The following CARMIL3 variants were observed in gnomAD, a reference collection of about 807,000 sequenced individuals.
CARMIL3 encodes the protein capping protein regulator and myosin 1 linker 3.
A neutral mutation model predicts 180.8 loss-of-function variants in CARMIL3; 88 were observed. That is an observed-to-expected ratio of 0.49 (90% CI 0.41 to 0.58). The LOEUF (loss-of-function observed/expected upper bound fraction) is 0.58, where lower values mean the gene tolerates loss of function less well. CARMIL3 is among the 20% of genes least tolerant of loss of function. The probability of loss-of-function intolerance (pLI) is 0.00; values close to 1 mark genes in which losing one functional copy is unlikely to be tolerated. For missense variants in CARMIL3, 1,548 were observed against 1,787.0 expected (o/e 0.87, Z 2.41); for synonymous variants, 696 against 714.5 (o/e 0.97, Z 0.41).
rs754178692 is a variant in CARMIL3, at chr14:24,065,741, G to A, written c.3516G>A (p.Gly1172=). The change falls in exon 34 of 40, where the codon GGG becomes GGA. Residue 1172 remains glycine, a synonymous_variant. Transcript: ENST00000342740. The part of the protein sequence containing the change: ...LERAKGWSFD[G]KREGPGPDQE... ...GAGCCAAGGGTTGGAGCTTCGATGGGAAACGAGAGGTGAGTGGAGCCTGGG... is the reference window on the plus strand; with the variant it reads ...GAGCCAAGGGTTGGAGCTTCGATGGAAAACGAGAGGTGAGTGGAGCCTGGG... 5.0e-6 allele frequency: 8 copies of A among 1,614,050 alleles called. No homozygotes were observed. The highest frequency in any genetic ancestry group is 3.3e-5 in the Admixed American group (2 of 60,020).
chr14:24,052,897 C>T (rs752383055), intron 1 of CARMIL3, among the ~76,000 whole-genome samples: 1 of 152,222 alleles, frequency 6.6e-6, no homozygotes, highest in Non-Finnish European at 1.5e-5. Context: ...CCCTGACCCC[C>T]AGAGACGGGA....
chr14:24,060,356 G>A (rs1490376280), intron 24 of CARMIL3, 101 bp downstream of exon 24: 2 of 1,296,146 alleles, frequency 1.5e-6, no homozygotes, highest in African/African-American at 1.5e-5. Flanking sequence ...GGCACTGCAT[G>A]GTGCCTATCA....
intron 24 of CARMIL3, 26 bp downstream of exon 24, chr14:24,060,281 G>T (rs753789341): frequency 6.2e-7 from 1 of 1,610,068 alleles, no homozygotes; most frequent in South Asian, 1.1e-5. Context: ...TGGGACACGG[G>T]GCATACCCGG....
At position 24,060,143 on chromosome 14, in the gene CARMIL3, C is replaced by T. The variant is rs1277485611; in HGVS notation, c.1963-14C>T. 6.2e-7 allele frequency: 1 copy of T among 1,614,066 alleles called. No homozygotes were observed. The highest frequency in any genetic ancestry group is 1.3e-5 in the African/African-American group (1 of 75,080). The stretch of plus-strand genomic sequence containing the variant: ...CATCCCCAGGCCCTGACCCACCAAC[C>T]CCATCATCTCCAGATCCAATGGTGC... On this transcript the variant is annotated splice_polypyrimidine_tract_variant and intron_variant, in intron 23 of 39. Coordinates refer to ENST00000342740, the MANE Select transcript of CARMIL3 (RefSeq NM_138360.4).
chr14:24,068,778 T>C lies in CARMIL3; in HGVS notation c.3802-8T>C. On this transcript the variant is annotated splice_region_variant and splice_polypyrimidine_tract_variant and intron_variant, in intron 37 of 39. Coordinates refer to ENST00000342740, the MANE Select transcript of CARMIL3 (RefSeq NM_138360.4). ...CTAACTGACCCAGCATCTTCCTTCC[T>C]CTGCCAGCTACAGGACCCCGCTCTA... The C allele has an allele frequency of 3.7e-6, 6 of 1,614,056 alleles. No homozygotes were observed. Among genetic ancestry groups the C allele is most frequent in the Non-Finnish European group, 5.1e-6 (6 of 1,180,026 alleles).
Position 24,057,815 on chromosome 14 carries a change from C to T in CARMIL3, c.1153C>T (p.Leu385=). The T allele has an allele frequency of 6.2e-7, 1 of 1,610,314 alleles. No individual in the cohort carries two copies. The highest frequency in any genetic ancestry group is 8.5e-7 in the Non-Finnish European group (1 of 1,179,698). ...TCTCCCCCCACAGCTTCTCGGTGCC[C>T]TGCTCCACGGCTGCTGCTCCCACCT... The part of the protein sequence containing the change: ...DCVIDLLLGA[L]LHGCCSHLTY... Residue 385 remains leucine, a synonymous_variant, in exon 15 of 40, where the codon CTG becomes TTG. Transcript: ENST00000342740.
In CARMIL3 at chr14:24,063,305, T is replaced by C; in HGVS notation, c.2771-20T>C. On this transcript the variant is annotated intron_variant, in intron 30 of 39. Transcript: ENST00000342740. ...CTCCCCATTCCTCTGCTAGTCCCTC[T>C]AATGCTGCTGTCTTTGCAGGCGGGA... 1 of 1,595,066 alleles carries C rather than the reference T, an allele frequency of 6.3e-7. No homozygotes were observed. Among genetic ancestry groups the C allele is most frequent in the Non-Finnish European group, 8.6e-7 (1 of 1,166,854 alleles).
Position 24,057,880 on chromosome 14 carries a change from G to C in CARMIL3, c.1217+1G>C. Reference sequence around the variant, plus strand: ...TGGCTCGCAACAGCTGCTCCCACAGGTGGGAGAGGAGGGGGAAGGGAGGAC... The same window carrying C: ...TGGCTCGCAACAGCTGCTCCCACAGCTGGGAGAGGAGGGGGAAGGGAGGAC... On this transcript the variant is annotated splice_donor_variant, in intron 15 of 39. Coordinates refer to ENST00000342740, the MANE Select transcript of CARMIL3 (RefSeq NM_138360.4). LOFTEE classifies it high-confidence loss of function. The C allele has an allele frequency of 6.2e-7, 1 of 1,613,062 alleles. No homozygotes were observed. The highest frequency in any genetic ancestry group is 8.5e-7 in the Non-Finnish European group (1 of 1,179,952).
chr14:24,056,288 C>T lies in CARMIL3; in HGVS notation c.771-11C>T, dbSNP rs774145517. On this transcript the variant is annotated splice_polypyrimidine_tract_variant and intron_variant, in intron 10 of 39. Transcript: ENST00000342740. ...CAGCTCAGGACAAATCCTTCCTCCC[C>T]TTCCCTGAAGGGACTTTGTCCAGAA... 86 of 1,611,460 alleles carry T rather than the reference C, an allele frequency of 5.3e-5. No individual in the cohort carries two copies. Among genetic ancestry groups the T allele is most frequent in the Non-Finnish European group, 6.8e-5 (80 of 1,178,142 alleles).
chr14:24,061,225 A>G lies in CARMIL3; in HGVS notation c.2304+185A>G, dbSNP rs995120856. The G allele has an allele frequency of 3.1e-5, 20 of 645,606 alleles. No homozygotes were observed. The highest frequency in any genetic ancestry group is 5.8e-5 in the Admixed American group (2 of 34,430). 40.0% of individuals were successfully genotyped at this position (645,606 alleles called of 1,614,324 possible). A position where few individuals can be genotyped will look rare whatever the true frequency, so the allele number is the denominator to read the frequency against. ...TATCAGGCTTGGATTTTTTTCTGCT[A>G]GCTTTGATGTTGGTCCCTGAACTCT... On this transcript the variant is annotated intron_variant, in intron 26 of 39. Transcript: ENST00000342740. The surrounding 1 kb of genome is among the most constrained non-coding windows in gnomAD (Gnocchi z 4.1).
At chr14:24,064,150 A>ATG in intron 31 of CARMIL3, 96 bp from the exon 32 acceptor site, 1 of 797,844 alleles carries the variant, frequency 1.3e-6, no homozygotes, top group Non-Finnish European at 2.0e-6. Flanking sequence ...CTACATTTCC[A>ATG]TAAATGTCCA....
chr14:24,060,400 G>A, intron 24 of CARMIL3, 145 bp downstream of exon 24: 2 of 1,110,306 alleles, frequency 1.8e-6, no homozygotes, highest in Non-Finnish European at 2.6e-6. Context: ...AAAAAGAGAG[G>A]ACATGCAGGA....
rs540249047 is a variant in CARMIL3 at position 24,052,290 on chromosome 14, C to A, written c.40+97C>A. 6 of 1,236,118 alleles carry A rather than the reference C, an allele frequency of 4.9e-6. No individual in the cohort carries two copies. The Admixed American group carries it at 1.5e-4, about 31-fold the overall frequency. The allele number at this position is 1,236,118 out of a possible 1,614,324, so 76.6% of individuals were successfully genotyped here. On this transcript the variant is annotated intron_variant, in intron 1 of 39. Coordinates refer to ENST00000342740, the MANE Select transcript of CARMIL3 (RefSeq NM_138360.4). Reference sequence around the variant, plus strand: ...GTGCATCCCAGCCCGGTGTCTCACACCCCTCACCCCATGCATCCTGGCTCC... The same window carrying A: ...GTGCATCCCAGCCCGGTGTCTCACAACCCTCACCCCATGCATCCTGGCTCC...
At chr14:24,062,426 C>A in intron 27 of CARMIL3, 54 bp from the exon 28 acceptor site, 1 of 1,489,708 alleles carries the variant, frequency 6.7e-7, no homozygotes, top group Non-Finnish European at 9.4e-7. Flanking sequence ...GCCTCAGGGG[C>A]CATGCGGGGG....
chr14:24,062,663 G>C (rs995886521), intron 28 of CARMIL3, 46 bp from the exon 29 acceptor site: 1 of 1,611,382 alleles, frequency 6.2e-7, no homozygotes, highest in Non-Finnish European at 8.5e-7. Context: ...GGCCCTGGGA[G>C]GTGGGCAGCT....
chr14:24,058,267 T>C lies in CARMIL3; in HGVS notation c.1392+43T>C, dbSNP rs189415199. On this transcript the variant is annotated intron_variant, in intron 17 of 39. Transcript: ENST00000342740. This position sits in a 1 kb window ranked among gnomAD's most constrained non-coding sequence, Gnocchi z 6.4. ...AACCCCTCTGCCCGCCTCCGATCCA[T>C]GTGCATTTCTCAGACCTAAGTCAAA... is the stretch of plus-strand genomic sequence containing the variant. 2.3e-5 allele frequency: 37 copies of C among 1,584,696 alleles called. 1 individual carries two copies. In the Admixed American group the frequency reaches 4.8e-4, roughly 20 times the overall value.
In CARMIL3 at chr14:24,052,166, A is replaced by C; in HGVS notation, c.13A>C (p.Ser5Arg). 6.3e-7 allele frequency: 1 copy of C among 1,590,924 alleles called. No homozygotes were observed. Among genetic ancestry groups the C allele is most frequent in the Non-Finnish European group, 8.5e-7 (1 of 1,173,286 alleles). Residue 5 changes from serine to arginine, a missense_variant, in exon 1 of 40, where the codon AGC (serine) becomes CGC (arginine). Coordinates refer to ENST00000342740, the MANE Select transcript of CARMIL3 (RefSeq NM_138360.4). MAKP[S>R]VELTRELQDS... is the part of the protein sequence containing the mutation. ...AGCAGCGGCCGCCATGGCCAAGCCC[A>C]GCGTGGAGCTCACCCGCGAGTTGCA... is the stretch of plus-strand genomic sequence containing the variant.
chr14:24,056,387 G>A lies in CARMIL3; in HGVS notation c.859G>A (p.Asp287Asn). 6.2e-7 allele frequency: 1 copy of A among 1,613,024 alleles called. No homozygotes were observed. The highest frequency in any genetic ancestry group is 8.5e-7 in the Non-Finnish European group (1 of 1,179,304). ...ALTLSHNPIEDKGFLSLSQQL... is the reference protein window; with the variant it reads ...ALTLSHNPIENKGFLSLSQQL... The stretch of plus-strand genomic sequence containing the variant: ...CACTCTGTCCCACAACCCCATCGAG[G>A]ACAAGGGTGAGCCCCAGCCCTGAAT... The change falls in exon 11 of 40, where the codon GAC (aspartate) becomes AAC (asparagine). Residue 287 changes from aspartate (D) to asparagine (N), a missense_variant. Asp to Asn is a conservative substitution (Grantham distance 23). Around this residue, in one of 4 missense-constraint regions of CARMIL3, gnomAD observed 578 missense variants for 666.5 expected, o/e 0.87. Coordinates refer to ENST00000342740, the MANE Select transcript of CARMIL3 (RefSeq NM_138360.4).
At chr14:24,060,813 C>T in intron 25 of CARMIL3, 57 bp downstream of exon 25, 5 of 1,579,640 alleles carry the variant, frequency 3.2e-6, no homozygotes, top group Non-Finnish European at 4.3e-6. Context: ...AGAAGGCCGA[C>T]CATGCTAAGC....
Sources: allele counts gnomAD v4.1 joint callset (sites outside exome capture counted in the v4.1 genomes callset), GRCh38; gene constraint gnomAD v4.1.1; regional missense constraint gnomAD v4.1.1; non-coding constraint Gnocchi (gnomAD v3.1); transcripts MANE v1.5; gene names NCBI Gene and HGNC (gene_info 2026-07-23, HGNC 2026-07-21).